The following NNT variants were observed in gnomAD, a reference collection of about 807,000 sequenced individuals.
NNT encodes NAD(P) transhydrogenase, mitochondrial.
A neutral mutation model predicts 104.8 loss-of-function variants in NNT; 50 were observed. The observed-to-expected ratio is 0.48, with a 90% CI of 0.38 to 0.60. NNT has a LOEUF of 0.60. Among genes scored for constraint, NNT ranks in the 20% least tolerant of loss-of-function variants. NNT has a pLI of 0.00. For synonymous variants in NNT, 461 were observed against 490.4 expected, an observed-to-expected ratio of 0.94 and a Z score of 0.79; for missense variants, 1,131 against 1,330.7, an observed-to-expected ratio of 0.85 and a Z score of 2.33.
At chr5:43,650,211 A>G (rs1739682054) in intron 11 of NNT, among the ~76,000 whole-genome samples, 1 of 152,272 alleles carries the variant, frequency 6.6e-6, no homozygotes, top group African/African-American at 2.4e-5. Flanking sequence ...AAGAAAGTCC[A>G]ATTCCAATGC....
chr5:43,704,423 T>A lies in NNT; in HGVS notation c.*19T>A. ...GAAGTAAATATTAAGGATCAAGCTG[T>A]TAGCTAATAATGCCACCTCTGCAGT... On this transcript the variant is annotated 3_prime_UTR_variant, in exon 22 of 22. Coordinates refer to ENST00000344920, the MANE Select transcript of NNT (RefSeq NM_182977.3). The A allele has an allele frequency of 6.2e-7, 1 of 1,612,784 alleles. No homozygotes were observed. The highest frequency in any genetic ancestry group is 8.5e-7 in the Non-Finnish European group (1 of 1,179,300).
intron 6 of NNT, among the ~76,000 whole-genome samples, chr5:43,626,107 G>T (rs2111670405): frequency 6.6e-6 from 1 of 151,624 alleles, no homozygotes; most frequent in East Asian, 1.9e-4. Flanking sequence ...CATACAGTAA[G>T]CCCTCTATCC....
intron 20 of NNT, among the ~76,000 whole-genome samples, 188 bp downstream of exon 20, chr5:43,700,425 A>G (rs1487903272): frequency 6.6e-6 from 1 of 152,244 alleles, no homozygotes; most frequent in Non-Finnish European, 1.5e-5. Flanking sequence ...AAAGATTCGT[A>G]AACAGCACAG....
chr5:43,619,602 A>C (rs1172598034), intron 5 of NNT, among the ~76,000 whole-genome samples: 1 of 152,118 alleles, frequency 6.6e-6, no homozygotes. Flanking sequence ...TTTAATCCAC[A>C]CTGAAAGCAG....
chr5:43,668,215 C>G (rs1740824072), intron 17 of NNT, among the ~76,000 whole-genome samples: 1 of 145,244 alleles, frequency 6.9e-6, no homozygotes, highest in Non-Finnish European at 1.5e-5. Context: ...TTCTCCCATT[C>G]TGTAGGTTGC....
chr5:43,697,884 T>C lies in NNT; in HGVS notation c.2877-2235T>C, dbSNP rs185621682. On this transcript the variant is annotated intron_variant, in intron 19 of 21. Coordinates refer to ENST00000344920, the MANE Select transcript of NNT (RefSeq NM_182977.3). ...CATGGGAAAAGAGCTGCCCCCATGA[T>C]TCAGTAATCTTCCACCAGGTCCCTT... Among the ~76,000 whole-genome samples, 748 of 152,282 alleles carry C rather than the reference T, an allele frequency of 4.9e-3. 4 individuals are homozygous for C. Among genetic ancestry groups the C allele is most frequent in the Middle Eastern group, 0.02 (6 of 294 alleles).
Position 43,704,413 on chromosome 5 carries a change from G to T in NNT, c.*9G>T, listed in dbSNP as rs1278045307. Reference sequence around the variant, plus strand: ...AATCCTATCAGAAGTAAATATTAAGGATCAAGCTGTTAGCTAATAATGCCA... The same window carrying T: ...AATCCTATCAGAAGTAAATATTAAGTATCAAGCTGTTAGCTAATAATGCCA... On this transcript the variant is annotated 3_prime_UTR_variant, in exon 22 of 22. Coordinates refer to ENST00000344920, the MANE Select transcript of NNT (RefSeq NM_182977.3). 1 of 1,613,248 alleles carries T rather than the reference G, an allele frequency of 6.2e-7. No homozygotes were observed. Among genetic ancestry groups the T allele is most frequent in the Non-Finnish European group, 8.5e-7 (1 of 1,179,492 alleles).
intron 13 of NNT, 37 bp downstream of exon 13, chr5:43,651,921 A>G (rs767499523): frequency 5.6e-6 from 9 of 1,596,096 alleles, no homozygotes; most frequent in Middle Eastern, 1.7e-4. Context: ...ATTTACCACA[A>G]TATTTTCTTC....
chr5:43,674,712 A>G (rs1000442399), intron 17 of NNT, among the ~76,000 whole-genome samples: 3 of 152,204 alleles, frequency 2.0e-5, no homozygotes, highest in African/African-American at 7.2e-5. Flanking sequence ...CCACCTCCAG[A>G]GGTCTACAAA....
rs774626292 is a variant in NNT, at chr5:43,644,202, T to C, written c.975T>C (p.Ala325=). 6.2e-7 allele frequency: 1 copy of C among 1,602,236 alleles called. No homozygotes were observed. The highest frequency in any genetic ancestry group is 8.5e-7 in the Non-Finnish European group (1 of 1,176,188). Residue 325 remains alanine, a synonymous_variant, in exon 8 of 22, where the codon GCT becomes GCC. Coordinates refer to ENST00000344920, the MANE Select transcript of NNT (RefSeq NM_182977.3). ...ISTALIPGKK[A]PVLFNKEMIE... Reference sequence around the variant, plus strand: ...CTTTGATTTTATTAGGTAAAAAAGCTCCAGTTTTATTTAATAAAGAAATGA... The same window carrying C: ...CTTTGATTTTATTAGGTAAAAAAGCCCCAGTTTTATTTAATAAAGAAATGA...
In NNT at chr5:43,685,212, C is replaced by T. The variant is rs569610486; in HGVS notation, c.2876+7406C>T. The stretch of plus-strand genomic sequence containing the variant: ...GTTAGTAGATGTTTAACAAATGAGC[C>T]TTCTTTTTATTTTCTGTTTATGTAT... On this transcript the variant is annotated intron_variant, in intron 19 of 21. Transcript: ENST00000344920. Among the ~76,000 whole-genome samples, 3 of 152,124 alleles carry T rather than the reference C, an allele frequency of 2.0e-5. No homozygotes were observed. The East Asian group carries it at 5.8e-4, about 29-fold the overall frequency.
intron 20 of NNT, among the ~76,000 whole-genome samples, chr5:43,701,117 T>G (rs1199173462): frequency 1.3e-5 from 2 of 152,158 alleles, no homozygotes; most frequent in African/African-American, 4.8e-5. Flanking sequence ...TTTTTTAACT[T>G]TTATTGTAGA....
chr5:43,684,551 G>A (rs1306453915), intron 19 of NNT, among the ~76,000 whole-genome samples: 2 of 151,870 alleles, frequency 1.3e-5, no homozygotes, highest in East Asian at 1.9e-4. Context: ...TTGCCTCATC[G>A]GGAATTTTTT....
In NNT at chr5:43,674,812, T is replaced by C. The variant is rs772853506; in HGVS notation, c.2635-699T>C. On this transcript the variant is annotated intron_variant, in intron 17 of 21. Transcript: ENST00000344920. ...ATTCTTGAGTGATTATAAATGAGCA[T>C]GAGAAGTTCATTTATTTTATTTTTC... is the stretch of plus-strand genomic sequence containing the variant. 3.1e-4 allele frequency among the ~76,000 whole-genome samples: 47 copies of C among 152,332 alleles called. 1 individual carries two copies. The highest frequency in any genetic ancestry group is 9.7e-4 in the East Asian group (5 of 5,176).
At chr5:43,626,389 G>T (rs576361726) in intron 6 of NNT, among the ~76,000 whole-genome samples, 1 of 151,950 alleles carries the variant, frequency 6.6e-6, no homozygotes, top group African/African-American at 2.4e-5. Flanking sequence ...TATCTCAGGG[G>T]GATCATGGAA....
At chr5:43,624,295 T>C (rs1750250686) in intron 6 of NNT, among the ~76,000 whole-genome samples, 175 bp downstream of exon 6, 2 of 152,236 alleles carry the variant, frequency 1.3e-5, no homozygotes, top group African/African-American at 2.4e-5. Context: ...AATGTATTAC[T>C]TAAACTAACA....
At chr5:43,679,167 C>G (rs1741574716) in intron 19 of NNT, among the ~76,000 whole-genome samples, 1 of 152,202 alleles carries the variant, frequency 6.6e-6, no homozygotes, top group Non-Finnish European at 1.5e-5. Context: ...TTAAAGCCAT[C>G]ATTTTGCTGC....
chr5:43,648,999 C>T (rs1739605932), intron 10 of NNT, 148 bp from the exon 11 acceptor site: 1 of 897,726 alleles, frequency 1.1e-6, no homozygotes, highest in East Asian at 2.4e-5. Context: ...CACTTCTCAA[C>T]TGTCAAATGT....
chr5:43,641,972 A>G (rs1248068635), intron 7 of NNT, among the ~76,000 whole-genome samples: 1 of 152,212 alleles, frequency 6.6e-6, no homozygotes, highest in African/African-American at 2.4e-5. Flanking sequence ...TAGGGAGCCT[A>G]AAAATGGTTT....
Sources: allele counts gnomAD v4.1 joint callset (sites outside exome capture counted in the v4.1 genomes callset), GRCh38; gene constraint gnomAD v4.1.1; transcripts MANE v1.5; gene names NCBI Gene and HGNC (gene_info 2026-07-23, HGNC 2026-07-21).